Variants in ST3GAL6 observed in about 807,000 individuals in gnomAD.
ST3GAL6 encodes the protein ST3 beta-galactoside alpha-2,3-sialyltransferase 6.
In ST3GAL6, 31 loss-of-function variants were observed where a neutral mutation model predicts 40.5. That is an observed-to-expected ratio of 0.77 (90% CI 0.58 to 1.03). The LOEUF is 1.03. Among genes scored for constraint, ST3GAL6 ranks in the 50% least tolerant of loss-of-function variants. The pLI is 0.00. For synonymous variants in ST3GAL6, 129 were observed against 136.9 expected (o/e 0.94, Z 0.40); for missense variants, 357 against 393.2 (o/e 0.91, Z 0.78).
intron 8 of ST3GAL6, 56 bp from the exon 9 acceptor site, chr3:98,791,785 T>G: frequency 6.6e-7 from 1 of 1,510,966 alleles, no homozygotes; most frequent in Non-Finnish European, 9.0e-7. Flanking sequence ...CCAAATATGC[T>G]TTGGTAACAA....
chr3:98,753,352 GGAAA>G (rs1937171422), intron 1 of ST3GAL6, among the ~76,000 whole-genome samples: 1 of 152,188 alleles, frequency 6.6e-6, no homozygotes, highest in African/African-American at 2.4e-5. Flanking sequence ...TGAGGTTTAA[GGAAA>G]GAAACTCTCC....
intron 1 of ST3GAL6, among the ~76,000 whole-genome samples, chr3:98,741,082 G>GTGTGTGCA: frequency 6.7e-6 from 1 of 149,908 alleles, no homozygotes; most frequent in South Asian, 2.1e-4. Flanking sequence ...GTGTGTGTGT[G>GTGTGTGCA]TGCATGCATG....
At chr3:98,749,146 C>T (rs1442499302) in intron 1 of ST3GAL6, among the ~76,000 whole-genome samples, 1 of 152,048 alleles carries the variant, frequency 6.6e-6, no homozygotes, top group South Asian at 2.1e-4. Flanking sequence ...CAAAGTTACC[C>T]TAGAAAGTGA....
intron 1 of ST3GAL6, among the ~76,000 whole-genome samples, chr3:98,755,765 C>A (rs1310022968): frequency 1.3e-5 from 2 of 151,140 alleles, no homozygotes; most frequent in East Asian, 3.9e-4. Flanking sequence ...GTGTGTTAGT[C>A]TTGTGTAAAA....
chr3:98,769,918 A>G (rs1938786481), intron 2 of ST3GAL6, among the ~76,000 whole-genome samples: 1 of 152,152 alleles, frequency 6.6e-6, no homozygotes, highest in Non-Finnish European at 1.5e-5. Context: ...CACCATATTT[A>G]TGTATCTTCC....
upstream of ST3GAL6, among the ~76,000 whole-genome samples, chr3:98,758,775 A>T (rs1360238022): frequency 1.3e-5 from 2 of 152,222 alleles, no homozygotes; most frequent in African/African-American, 4.8e-5. Context: ...GGCTTGGTGC[A>T]TGGGAAGCTG....
intron 1 of ST3GAL6, among the ~76,000 whole-genome samples, chr3:98,743,720 A>G (rs1576030731): frequency 6.6e-6 from 1 of 152,136 alleles, no homozygotes; most frequent in Non-Finnish European, 1.5e-5. Context: ...CCCAGTCACT[A>G]TTACTACTCA....
intron 3 of ST3GAL6, chr3:98,772,312 A>G (rs1192612617): frequency 2.0e-5 from 3 of 152,480 alleles, no homozygotes; most frequent in Admixed American, 2.0e-4. Flanking sequence ...TGGAGCTTTT[A>G]TCTTCAGTGT....
intron 1 of ST3GAL6, among the ~76,000 whole-genome samples, chr3:98,734,590 A>G (rs780302843): frequency 6.6e-6 from 1 of 152,124 alleles, no homozygotes; most frequent in Non-Finnish European, 1.5e-5. Flanking sequence ...ATTGCACCAT[A>G]TGTTGTTTAC....
At chr3:98,741,607 C>T (rs191742234) in intron 1 of ST3GAL6, among the ~76,000 whole-genome samples, 3 of 152,048 alleles carry the variant, frequency 2.0e-5, no homozygotes, top group Non-Finnish European at 4.4e-5. Context: ...CAGGACAGGC[C>T]GTAGGAGCCA....
intron 1 of ST3GAL6, among the ~76,000 whole-genome samples, chr3:98,741,051 A>G (rs28707457): frequency 2.8e-5 from 4 of 145,120 alleles, no homozygotes; most frequent in Non-Finnish European, 3.0e-5. Flanking sequence ...AGAGGGATTC[A>G]GTGTGTGTGT....
chr3:98,738,962 C>T, intron 1 of ST3GAL6, among the ~76,000 whole-genome samples: 1 of 152,158 alleles, frequency 6.6e-6, no homozygotes, highest in Non-Finnish European at 1.5e-5. Context: ...ATAAAACAAT[C>T]CTCAGCAAAT....
At chr3:98,736,427 C>T (rs1000127715) in intron 1 of ST3GAL6, among the ~76,000 whole-genome samples, 2 of 152,096 alleles carry the variant, frequency 1.3e-5, no homozygotes, top group Non-Finnish European at 2.9e-5. Flanking sequence ...ATGATGAGAA[C>T]AAGGCCCCCA....
chr3:98,791,814 A>G (rs780565833), intron 8 of ST3GAL6, 27 bp from the exon 9 acceptor site: 1 of 1,591,804 alleles, frequency 6.3e-7, no homozygotes, highest in Admixed American at 1.8e-5. Flanking sequence ...TTTTGCTTAA[A>G]AAAGTTTTTT....
intron 3 of ST3GAL6, 112 bp from the exon 4 acceptor site, chr3:98,772,701 T>A (rs1013129575): frequency 3.4e-6 from 2 of 596,158 alleles, no homozygotes; most frequent in Middle Eastern, 3.0e-4. Context: ...CATTTTTGTA[T>A]AGCCAGTATA....
chr3:98,754,359 TAGC>T (rs1937257251), intron 1 of ST3GAL6, among the ~76,000 whole-genome samples: 1 of 152,208 alleles, frequency 6.6e-6, no homozygotes, highest in Non-Finnish European at 1.5e-5. Flanking sequence ...GAACTAGAAT[TAGC>T]AGTAGAGCCT....
chr3:98,736,697 T>C (rs1192888761), intron 1 of ST3GAL6, among the ~76,000 whole-genome samples: 1 of 152,184 alleles, frequency 6.6e-6, no homozygotes, highest in Non-Finnish European at 1.5e-5. Context: ...ACAAGAGATG[T>C]TCTTGTGGGT....
intron 2 of ST3GAL6, among the ~76,000 whole-genome samples, 174 bp from the exon 3 acceptor site, chr3:98,770,705 G>T (rs1431715608): frequency 6.6e-6 from 1 of 152,078 alleles, no homozygotes; most frequent in Non-Finnish European, 1.5e-5. Context: ...TGAATCTCAG[G>T]TGTGTGTAGG....
At chr3:98,782,285 G>A in intron 5 of ST3GAL6, 1 of 703,458 alleles carries the variant, frequency 1.4e-6, no homozygotes, top group East Asian at 2.7e-5. Context: ...TGTTTTCCCA[G>A]TCACTTTCAG....
Sources: gnomAD v4.1 joint callset for allele counts (sites outside exome capture counted in the v4.1 genomes callset) on GRCh38, gnomAD v4.1.1 for gene constraint, MANE v1.5 for transcripts, NCBI Gene and HGNC (gene_info 2026-07-23, HGNC 2026-07-21) for gene names.